GRIK3: variants seen among roughly 807,000 people sequenced by gnomAD.
GRIK3 encodes glutamate receptor ionotropic, kainate 3.
A neutral mutation model predicts 102.5 loss-of-function variants in GRIK3; 29 were observed. The observed-to-expected ratio is 0.28, with a 90% CI of 0.21 to 0.39. The LOEUF is 0.39. GRIK3 is among the 10% of genes least tolerant of loss of function. The pLI is 1.00. For missense variants in GRIK3, 908 were observed against 1,252.4 expected (o/e 0.73, Z 4.15); for synonymous variants, 511 against 504.9 (o/e 1.01, Z -0.16).
chr1:36,998,341 C>T (rs1214816888), intron 1 of GRIK3, among the ~76,000 whole-genome samples: 2 of 152,180 alleles, frequency 1.3e-5, no homozygotes, highest in African/African-American at 4.8e-5. Flanking sequence ...TCCCCAACAC[C>T]CTGTCTCATG....
chr1:37,011,745 G>C (rs1388264548), intron 1 of GRIK3, among the ~76,000 whole-genome samples: 1 of 152,200 alleles, frequency 6.6e-6, no homozygotes, highest in African/African-American at 2.4e-5. Flanking sequence ...AAATGTACAT[G>C]AGTGAACAAA....
At chr1:36,868,998 C>T (rs913638551) in intron 5 of GRIK3, among the ~76,000 whole-genome samples, 1 of 152,218 alleles carries the variant, frequency 6.6e-6, no homozygotes, top group African/African-American at 2.4e-5. Flanking sequence ...GAGGCTGTCA[C>T]TCACCTCAGA....
At chr1:37,004,215 C>T (rs1028778877) in intron 1 of GRIK3, among the ~76,000 whole-genome samples, 3 of 152,052 alleles carry the variant, frequency 2.0e-5, no homozygotes, top group African/African-American at 4.8e-5. Flanking sequence ...GCCCACCCTC[C>T]GAGGGGGCTC....
At chr1:36,932,145 C>G (rs753480241) in intron 1 of GRIK3, among the ~76,000 whole-genome samples, 6 of 152,160 alleles carry the variant, frequency 3.9e-5, no homozygotes, top group Non-Finnish European at 8.8e-5. Context: ...CCTTCCTTCT[C>G]TAGGGCAAGG....
chr1:37,004,796 C>T (rs1304401633), intron 1 of GRIK3, among the ~76,000 whole-genome samples: 1 of 152,246 alleles, frequency 6.6e-6, no homozygotes, highest in Non-Finnish European at 1.5e-5. Context: ...ACTGAAAATA[C>T]ACCTGTTATG....
chr1:36,816,179 C>A (rs1642624246), intron 13 of GRIK3, among the ~76,000 whole-genome samples: 1 of 152,166 alleles, frequency 6.6e-6, no homozygotes, highest in Non-Finnish European at 1.5e-5. Flanking sequence ...CTGGGCATCC[C>A]TGGACAAGCC....
intron 1 of GRIK3, among the ~76,000 whole-genome samples, chr1:36,943,229 GT>G (rs1641746447): frequency 7.2e-6 from 1 of 139,428 alleles, no homozygotes; most frequent in African/African-American, 2.7e-5. Context: ...GTTGTTGGGG[GT>G]TGGGGGGGCT....
At chr1:37,030,064 A>G (rs887167602) in intron 1 of GRIK3, among the ~76,000 whole-genome samples, 11 of 152,244 alleles carry the variant, frequency 7.2e-5, no homozygotes, top group Admixed American at 5.2e-4. Context: ...ACTCCAGTTG[A>G]GAAGGAGGAA....
At chr1:36,867,306 C>T (rs968905533) in intron 5 of GRIK3, among the ~76,000 whole-genome samples, 1 of 152,134 alleles carries the variant, frequency 6.6e-6, no homozygotes, top group Non-Finnish European at 1.5e-5. Flanking sequence ...GGCTGAGCAT[C>T]AGTCAATGTT....
At chr1:36,971,380 A>G (rs1642138393) in intron 1 of GRIK3, among the ~76,000 whole-genome samples, 2 of 152,218 alleles carry the variant, frequency 1.3e-5, no homozygotes, top group African/African-American at 2.4e-5. Context: ...TAGGCCTCAC[A>G]GAAGCAAAGT....
chr1:36,892,968 T>C (rs952842645), intron 1 of GRIK3, among the ~76,000 whole-genome samples: 1 of 152,180 alleles, frequency 6.6e-6, no homozygotes, highest in African/African-American at 2.4e-5. Context: ...GTGACAATTA[T>C]TCAATTATTT....
At chr1:36,809,563 T>A (rs1030682128) in intron 13 of GRIK3, among the ~76,000 whole-genome samples, 2 of 152,216 alleles carry the variant, frequency 1.3e-5, no homozygotes, top group African/African-American at 4.8e-5. Context: ...CTACTCCTTC[T>A]GTCTCAGAAT....
At chr1:36,825,135 G>A (rs1043549219) in intron 11 of GRIK3, among the ~76,000 whole-genome samples, 1 of 152,162 alleles carries the variant, frequency 6.6e-6, no homozygotes, top group Non-Finnish European at 1.5e-5. Context: ...TATGTGTGCC[G>A]TGTTTCTGCA....
At chr1:36,958,215 C>T (rs111718822) in intron 1 of GRIK3, among the ~76,000 whole-genome samples, 34 of 97,110 alleles carry the variant, frequency 3.5e-4, no homozygotes, top group South Asian at 8.2e-4. Context: ...GAGTCTGTGC[C>T]CCGTGAGCCT....
At chr1:36,953,396 C>T (rs1641868173) in intron 1 of GRIK3, among the ~76,000 whole-genome samples, 1 of 152,088 alleles carries the variant, frequency 6.6e-6, no homozygotes, top group African/African-American at 2.4e-5. Context: ...GTTAGTGTGC[C>T]AAGTGAAGGG....
At chr1:36,992,224 C>A (rs1407809686) in intron 1 of GRIK3, among the ~76,000 whole-genome samples, 1 of 152,110 alleles carries the variant, frequency 6.6e-6, no homozygotes, top group Non-Finnish European at 1.5e-5. Context: ...CAAAAGTGCC[C>A]AGATGAGAGA....
chr1:37,017,747 C>T (rs1024261981), intron 1 of GRIK3, among the ~76,000 whole-genome samples: 1 of 152,174 alleles, frequency 6.6e-6, no homozygotes, highest in African/African-American at 2.4e-5. Context: ...AGACTCTCTC[C>T]AACCTCACTA....
At position 36,819,323 on chromosome 1, in the gene GRIK3, A is replaced by C. The variant is rs561274652; in HGVS notation, c.1873+413T>G. 1.3e-3 allele frequency among the ~76,000 whole-genome samples: 195 copies of C among 152,198 alleles called. 2 individuals are homozygous for C. Among genetic ancestry groups the C allele is most frequent in the African/African-American group, 4.5e-3 (187 of 41,542 alleles). Reference sequence around the variant, plus strand: ...TCAGGTCTCATCACCTCATTCCTGCAGTGGCCTCCCACCCAGACTCCCTGC... The same window carrying C: ...TCAGGTCTCATCACCTCATTCCTGCCGTGGCCTCCCACCCAGACTCCCTGC... On this transcript the variant is annotated intron_variant, in intron 12 of 15. Coordinates refer to ENST00000373091, the MANE Select transcript of GRIK3 (RefSeq NM_000831.4). This position sits in a 1 kb window ranked among gnomAD's most constrained non-coding sequence, Gnocchi z 4.1.
chr1:36,889,323 C>T (rs757542518), intron 2 of GRIK3, among the ~76,000 whole-genome samples: 4 of 151,234 alleles, frequency 2.6e-5, no homozygotes, highest in South Asian at 2.1e-4. Flanking sequence ...GCAGCATGTG[C>T]GGAAGCCCAG....
Sources: allele counts gnomAD v4.1 joint callset (sites outside exome capture counted in the v4.1 genomes callset), GRCh38; gene constraint gnomAD v4.1.1; non-coding constraint Gnocchi (gnomAD v3.1); transcripts MANE v1.5; gene names NCBI Gene and HGNC (gene_info 2026-07-23, HGNC 2026-07-21).